Variants in DOCK4 observed in about 807,000 individuals in gnomAD.
DOCK4 encodes dedicator of cytokinesis 4, also known as dedicator of cytokinesis protein 4.
In DOCK4, 97 loss-of-function variants were observed where a neutral mutation model predicts 268.1. The observed-to-expected ratio is 0.36, with a 90% CI of 0.31 to 0.43. The LOEUF (loss-of-function observed/expected upper bound fraction) is 0.43, where lower values mean the gene tolerates loss of function less well. Ranked by LOEUF, DOCK4 falls within the 20% of genes least tolerant of loss-of-function variation. DOCK4 has a pLI of 1.00. For synonymous variants in DOCK4, 954 were observed against 887.2 expected (o/e 1.08, Z -1.34); for missense variants, 2,145 against 2,455.7 (o/e 0.87, Z 2.67).
chr7:111,981,258 A>C (rs1247709351), intron 7 of DOCK4, among the ~76,000 whole-genome samples: 1 of 152,202 alleles, frequency 6.6e-6, no homozygotes, highest in Non-Finnish European at 1.5e-5. Context: ...AACAACAACA[A>C]GGGATTGGTG....
At chr7:112,142,334 A>T (rs990834158) in intron 1 of DOCK4, among the ~76,000 whole-genome samples, 1 of 152,146 alleles carries the variant, frequency 6.6e-6, no homozygotes, top group Non-Finnish European at 1.5e-5. Flanking sequence ...TCACTATTGT[A>T]TGTTAGGCTT....
At chr7:112,071,878 T>C (rs908645867) in intron 1 of DOCK4, among the ~76,000 whole-genome samples, 11 of 152,174 alleles carry the variant, frequency 7.2e-5, no homozygotes, top group Non-Finnish European at 1.3e-4. Flanking sequence ...GGGTAAAGAA[T>C]TATCTCATAT....
At chr7:112,036,207 T>C (rs1803741020) in intron 1 of DOCK4, among the ~76,000 whole-genome samples, 1 of 152,108 alleles carries the variant, frequency 6.6e-6, no homozygotes, top group Non-Finnish European at 1.5e-5. Flanking sequence ...CCATGAGTCT[T>C]TCCTTAGAAT....
intron 16 of DOCK4, among the ~76,000 whole-genome samples, chr7:111,885,408 G>T (rs935811261): frequency 6.6e-6 from 1 of 152,198 alleles, no homozygotes; most frequent in African/African-American, 2.4e-5. Flanking sequence ...CCCAGTGAAG[G>T]CATGGAGCAT....
intron 36 of DOCK4, among the ~76,000 whole-genome samples, chr7:111,770,289 T>TGC (rs1798050545): frequency 6.7e-6 from 1 of 148,632 alleles, no homozygotes; most frequent in African/African-American, 2.5e-5. Context: ...AGGGTGGAAG[T>TGC]GCTGCATGAG....
chr7:111,968,328 T>C (rs1224254818), intron 8 of DOCK4, among the ~76,000 whole-genome samples: 2 of 80,458 alleles, frequency 2.5e-5, no homozygotes, highest in Non-Finnish European at 4.3e-5. Flanking sequence ...AGGGCTAATA[T>C]CCAGAATCTA....
At chr7:111,951,414 C>T (rs952517807) in intron 8 of DOCK4, among the ~76,000 whole-genome samples, 4 of 152,038 alleles carry the variant, frequency 2.6e-5, no homozygotes, top group Non-Finnish European at 5.9e-5. Context: ...TGTGGTCAGT[C>T]AAGGATGGGG....
At position 111,984,381 on chromosome 7, in the gene DOCK4, T is replaced by C. The variant is rs1232477720; in HGVS notation, c.474A>G (p.Gly158=). ...ARLDWGNEQL[G]LDLVPRKEYA... is the part of the protein sequence containing the mutation. ...ACTCTTTCCTAGGCACCAGGTCCAG[T>C]CCCAGTTGTCTAGAAAACAAATTGC... Residue 158 remains glycine, a synonymous_variant, in exon 7 of 53, where the codon GGA becomes GGG. Coordinates refer to ENST00000428084, the MANE Select transcript of DOCK4 (RefSeq NM_001363540.2). The C allele has an allele frequency of 6.2e-7, 1 of 1,612,676 alleles. No homozygotes were observed. The highest frequency in any genetic ancestry group is 1.3e-5 in the African/African-American group (1 of 74,868).
chr7:111,868,972 G>A (rs1806202794), intron 21 of DOCK4, among the ~76,000 whole-genome samples: 1 of 152,082 alleles, frequency 6.6e-6, no homozygotes. Context: ...AAATAGGATG[G>A]TCCTCAACAA....
intron 23 of DOCK4, among the ~76,000 whole-genome samples, chr7:111,848,552 T>A (rs1255656434): frequency 2.6e-5 from 4 of 152,188 alleles, no homozygotes; most frequent in Non-Finnish European, 5.9e-5. Flanking sequence ...AGATATTTTT[T>A]AAAATTTGTT....
At chr7:111,800,117 CT>C (rs1800162850) in intron 30 of DOCK4, among the ~76,000 whole-genome samples, 1 of 151,562 alleles carries the variant, frequency 6.6e-6, no homozygotes, top group Non-Finnish European at 1.5e-5. Flanking sequence ...TTTAATACGA[CT>C]TTTTTACTAA....
chr7:111,741,788 G>T, intron 45 of DOCK4, 127 bp from the exon 46 acceptor site: 1 of 1,322,358 alleles, frequency 7.6e-7, no homozygotes, highest in South Asian at 1.6e-5. Flanking sequence ...AGCTATTAAA[G>T]CAAGTTCCAG....
In DOCK4 at chr7:111,994,198, A is replaced by G; in HGVS notation, c.252T>C (p.Ser84=). ...ATGTTGATGTCATTTCTGTGATAAC[A>G]GAGTCTTCAGTGGGAATAACCATTT... ...QFEMVIPTED[S]VITEMTSTLR... is the part of the protein sequence containing the mutation. The change falls in exon 5 of 53, where the codon TCT becomes TCC. Residue 84 remains serine, a synonymous_variant. Transcript: ENST00000428084. 1 of 1,606,312 alleles carries G rather than the reference A, an allele frequency of 6.2e-7. No homozygotes were observed. Among genetic ancestry groups the G allele is most frequent in the Non-Finnish European group, 8.5e-7 (1 of 1,174,852 alleles).
At chr7:111,732,080 T>C (rs1033467046) in intron 52 of DOCK4, 146 bp downstream of exon 52, 14 of 805,196 alleles carry the variant, frequency 1.7e-5, no homozygotes, top group Non-Finnish European at 1.6e-5. Flanking sequence ...GTGTTGTTTT[T>C]CTCAACCAGC....
intron 45 of DOCK4, 110 bp downstream of exon 45, chr7:111,741,903 C>G: frequency 7.1e-7 from 1 of 1,401,080 alleles, no homozygotes; most frequent in Admixed American, 2.8e-5. Flanking sequence ...TAAAACAGTG[C>G]AGTTTGGTAG....
intron 39 of DOCK4, among the ~76,000 whole-genome samples, chr7:111,763,913 G>A (rs923395236): frequency 3.3e-5 from 5 of 152,150 alleles, no homozygotes; most frequent in African/African-American, 1.2e-4. Flanking sequence ...AGAGTGGTCT[G>A]GAACTGTGCT....
chr7:111,996,090 C>T (rs764562213), intron 4 of DOCK4, among the ~76,000 whole-genome samples: 1 of 152,126 alleles, frequency 6.6e-6, no homozygotes, highest in East Asian at 1.9e-4. Context: ...TCCAGGGAAA[C>T]CTGACATACT....
intron 38 of DOCK4, among the ~76,000 whole-genome samples, chr7:111,765,942 A>G (rs1438856481): frequency 6.6e-6 from 1 of 152,082 alleles, no homozygotes; most frequent in African/African-American, 2.4e-5. Context: ...TAGTAACAGC[A>G]CCCCAAAGAG....
intron 1 of DOCK4, among the ~76,000 whole-genome samples, chr7:112,114,191 G>C (rs1811922686): frequency 6.6e-6 from 1 of 152,038 alleles, no homozygotes; most frequent in African/African-American, 2.4e-5. Flanking sequence ...TCCCCATCCT[G>C]GTCAAGCCTT....
Sources: gnomAD v4.1 joint callset for allele counts (sites outside exome capture counted in the v4.1 genomes callset) on GRCh38, gnomAD v4.1.1 for gene constraint, MANE v1.5 for transcripts, NCBI Gene and HGNC (gene_info 2026-07-23, HGNC 2026-07-21) for gene names.